The following ITIH6 variants were observed in gnomAD, a reference collection of about 807,000 sequenced individuals.
ITIH6 encodes inter-alpha-trypsin inhibitor heavy chain family member 6.
Under a neutral mutation model 58.2 loss-of-function variants are expected in ITIH6, and 60 were observed. The ratio of observed to expected loss-of-function variants is 1.03; its 90% CI spans 0.84 to 1.28. The LOEUF (loss-of-function observed/expected upper bound fraction) is 1.28. Ranked by LOEUF, ITIH6 falls within the 50% of genes most tolerant of loss-of-function variation. ITIH6 has a pLI of 0.00. For missense variants in ITIH6, 1,290 were observed against 1,021.1 expected (o/e 1.26, Z -3.59); for synonymous variants, 493 against 417.4 (o/e 1.18, Z -2.21).
intron 4 of ITIH6, 64 bp from the exon 5 acceptor site, chrX:54,788,713 G>T: frequency 1.1e-6 from 1 of 952,062 alleles, no homozygotes; most frequent in South Asian, 2.1e-5. Context: ...AAGAACCAGG[G>T]AAAGGGCAGC....
In ITIH6 at chrX:54,749,085, G is replaced by A. The variant is rs748452848; in HGVS notation, c.*810C>T. On this transcript the variant is annotated 3_prime_UTR_variant, in exon 13 of 13. Transcript: ENST00000218436. ...TCTGTGCCCTTGTCACTGTTTTTCC[G>A]GGTGTGATCCTGTGTCTTTGGTTGT... 3 of 111,666 alleles carry A rather than the reference G, an allele frequency of 2.7e-5. No homozygotes were observed. The highest frequency in any genetic ancestry group is 3.8e-5 in the Non-Finnish European group (2 of 53,151). The allele number at this position is 111,666 out of a possible 1,213,427, so 9.2% of individuals were successfully genotyped here.
intron 6 of ITIH6, among the ~76,000 whole-genome samples, chrX:54,763,887 T>A (rs1928709651): frequency 8.9e-6 from 1 of 112,413 alleles, no homozygotes. Context: ...GTTTGTCTTC[T>A]TGGAGAATTT....
intron 4 of ITIH6, among the ~76,000 whole-genome samples, chrX:54,789,384 A>T (rs976171244): frequency 5.4e-5 from 6 of 111,515 alleles, no homozygotes; most frequent in African/African-American, 1.6e-4. Flanking sequence ...TTCCTGCCAC[A>T]GCTGTCAGGA....
At chrX:54,785,988 TC>T (rs1264073251) in intron 5 of ITIH6, among the ~76,000 whole-genome samples, 1 of 109,900 alleles carries the variant, frequency 9.1e-6, no homozygotes, top group African/African-American at 3.3e-5. Context: ...CGTCTAGGGC[TC>T]CCACAGTTGC....
At chrX:54,792,726 T>A (rs928658308) in intron 2 of ITIH6, among the ~76,000 whole-genome samples, 34 of 111,188 alleles carry the variant, frequency 3.1e-4, no homozygotes, top group Non-Finnish European at 4.7e-4. Context: ...TCTCCCCATT[T>A]CTCTAAGGAA....
rs746000189 is a variant in ITIH6 at position 54,748,932 on chromosome X, A to T, written c.*963T>A. 9.0e-6 allele frequency: 1 copy of T among 110,992 alleles called. No individual in the cohort carries two copies. The highest frequency in any genetic ancestry group is 1.9e-5 in the Non-Finnish European group (1 of 52,962). The allele number at this position is 110,992 out of a possible 1,213,427, so 9.1% of individuals were successfully genotyped here. A position where few individuals can be genotyped will look rare whatever the true frequency, so the allele number is the denominator to read the frequency against. On this transcript the variant is annotated 3_prime_UTR_variant, in exon 13 of 13. Coordinates refer to ENST00000218436, the MANE Select transcript of ITIH6 (RefSeq NM_198510.3). ...GAGAGCATCTGTTCCTTTTTCTCTG[A>T]GTTTATGTCCCTGATTCTGCCACTC...
At chrX:54,751,651 A>G (rs1024824635) in intron 11 of ITIH6, among the ~76,000 whole-genome samples, 7 of 112,057 alleles carry the variant, frequency 6.2e-5, no homozygotes, top group Non-Finnish European at 1.3e-4. Context: ...GTGTTTGGTT[A>G]TGTTCATATG....
intron 5 of ITIH6, among the ~76,000 whole-genome samples, chrX:54,781,802 A>G (rs372350038): frequency 1.8e-5 from 2 of 112,575 alleles, no homozygotes; most frequent in African/African-American, 6.5e-5. Context: ...TTGCAGCACT[A>G]TATACAATAG....
chrX:54,792,223 A>C (rs1173211415), intron 2 of ITIH6, among the ~76,000 whole-genome samples, 187 bp from the exon 3 acceptor site: 2 of 111,432 alleles, frequency 1.8e-5, no homozygotes, highest in African/African-American at 6.5e-5. Context: ...GAGGGAGATA[A>C]CAGAGTGAAG....
chrX:54,792,284 A>G (rs17323462), intron 2 of ITIH6, among the ~76,000 whole-genome samples: 1,435 of 112,134 alleles, frequency 0.013, 58 homozygotes, highest in Admixed American at 0.093. Flanking sequence ...GCCACACAGC[A>G]TATGGTGGAT....
At chrX:54,782,941 C>T (rs1267006103) in intron 5 of ITIH6, among the ~76,000 whole-genome samples, 1 of 111,893 alleles carries the variant, frequency 8.9e-6, no homozygotes, top group African/African-American at 3.3e-5. Flanking sequence ...TGCATGTCCT[C>T]AACAAAATAC....
chrX:54,758,914 C>T lies in ITIH6; in HGVS notation c.1160G>A (p.Gly387Glu), dbSNP rs758463230. The T allele has an allele frequency of 4.1e-6, 5 of 1,206,435 alleles. No individual in the cohort carries two copies. The African/African-American group carries it at 8.8e-5, about 21-fold the overall frequency. Reference sequence around the variant, plus strand: ...CAGGAAGATGATAAGAGGGATCCTCCCCACACTGGGGCCCCTCCCAGGCTC... The same window carrying T: ...CAGGAAGATGATAAGAGGGATCCTCTCCACACTGGGGCCCCTCCCAGGCTC... Reference protein sequence around the residue: ...NQEPGRGPSVGRIPLIIFLTD... With the variant: ...NQEPGRGPSVERIPLIIFLTD... The change falls in exon 8 of 13, where the codon GGG becomes GAG. Residue 387 changes from glycine (G) to glutamate (E), a missense_variant. Gly to Glu is a moderately conservative substitution (Grantham distance 98). Coordinates refer to ENST00000218436, the MANE Select transcript of ITIH6 (RefSeq NM_198510.3).
Position 54,774,066 on chromosome X carries a change from C to T in ITIH6, c.903+15G>A, listed in dbSNP as rs1929006443. On this transcript the variant is annotated intron_variant, in intron 6 of 12. Transcript: ENST00000218436. The stretch of plus-strand genomic sequence containing the variant: ...TGATACTAGGACTAAGAAAGGTTTC[C>T]AGGATCCTTGTTACCTGTTCCATCT... 2.8e-6 allele frequency: 3 copies of T among 1,056,346 alleles called. No homozygotes were observed. Among genetic ancestry groups the T allele is most frequent in the Non-Finnish European group, 3.9e-6 (3 of 770,861 alleles). The allele number at this position is 1,056,346 out of a possible 1,213,427, so 87.1% of individuals were successfully genotyped here.
chrX:54,750,041 G>A lies in ITIH6; in HGVS notation c.3796C>T (p.His1266Tyr), dbSNP rs925523860. The A allele has an allele frequency of 1.2e-5, 14 of 1,209,449 alleles. No individual in the cohort carries two copies. The highest frequency in any genetic ancestry group is 1.3e-5 in the Non-Finnish European group (12 of 894,803). The change falls in exon 13 of 13, where the codon CAT becomes TAT. Residue 1266 changes from histidine (H) to tyrosine (Y), a missense_variant. Transcript: ENST00000218436. ...GPMGPCLRRH[H>Y]GPDVPVILGK... is the part of the protein sequence containing the mutation. ...AGAATCACAGGCACATCTGGGCCAT[G>A]GTGCCTTCGTAAGCATGGCCCCATA...
Position 54,757,056 on chromosome X carries a change from T to C in ITIH6, c.3018A>G (p.Leu1006=). 4.1e-6 allele frequency: 5 copies of C among 1,210,409 alleles called. No homozygotes were observed. The highest frequency in any genetic ancestry group is 5.6e-6 in the Non-Finnish European group (5 of 894,301). The change falls in exon 8 of 13, where the codon CTA becomes CTG. Residue 1006 remains leucine, a synonymous_variant. Transcript: ENST00000218436. Reference sequence around the variant, plus strand: ...CCACCATTGATTCAGACAGCAGCTCTAGCTCCTCAGGGAGAAGGAGCAGAC... The same window carrying C: ...CCACCATTGATTCAGACAGCAGCTCCAGCTCCTCAGGGAGAAGGAGCAGAC... ...AISLLLLPEE[L]ELLSESMVES... is the part of the protein sequence containing the mutation.
chrX:54,758,776 G>C lies in ITIH6; in HGVS notation c.1298C>G (p.Ala433Gly). The C allele has an allele frequency of 8.3e-7, 1 of 1,209,847 alleles. No individual in the cohort carries two copies. Among genetic ancestry groups the C allele is most frequent in the African/African-American group, 1.7e-5 (1 of 57,751 alleles). ...CAGGCGGCGCAGCAGTGTAAAGTCA[G>C]CATCATCCCCAAAGGCCAAGCTGAA... The part of the protein sequence containing the change: ...SLFSLAFGDD[A>G]DFTLLRRLSL... The change falls in exon 8 of 13, where the codon GCT becomes GGT. Residue 433 changes from alanine to glycine, a missense_variant. Physicochemically the swap from Ala to Gly is moderately conservative, Grantham distance 60 (BLOSUM62 0). Transcript: ENST00000218436.
intron 6 of ITIH6, among the ~76,000 whole-genome samples, chrX:54,761,551 T>C (rs985005929): frequency 8.9e-6 from 1 of 111,732 alleles, no homozygotes; most frequent in African/African-American, 3.3e-5. Context: ...GGTTTTCTTC[T>C]AGGGTTTTTA....
At chrX:54,770,461 T>A (rs1298328391) in intron 6 of ITIH6, among the ~76,000 whole-genome samples, 1 of 113,091 alleles carries the variant, frequency 8.8e-6, no homozygotes, top group Non-Finnish European at 1.9e-5. Context: ...TAGTTTTAAC[T>A]GGGCATTTTA....
At chrX:54,777,472 A>G (rs1320614926) in intron 5 of ITIH6, among the ~76,000 whole-genome samples, 2 of 112,520 alleles carry the variant, frequency 1.8e-5, no homozygotes, top group East Asian at 5.6e-4. Context: ...GGCGGAAGCC[A>G]GGATGTGGTT....
Sources: allele counts gnomAD v4.1 joint callset (sites outside exome capture counted in the v4.1 genomes callset), GRCh38; gene constraint gnomAD v4.1.1; transcripts MANE v1.5; gene names NCBI Gene and HGNC (gene_info 2026-07-23, HGNC 2026-07-21).